ZC3H11A: variants seen among roughly 807,000 people sequenced by gnomAD.
ZC3H11A encodes the protein zinc finger CCCH domain-containing protein 11A.
A neutral mutation model predicts 90.8 loss-of-function variants in ZC3H11A; 22 were observed. The ratio of observed to expected loss-of-function variants is 0.24; its 90% CI spans 0.17 to 0.35. ZC3H11A has a LOEUF of 0.35. Ranked by LOEUF, ZC3H11A falls within the 10% of genes least tolerant of loss-of-function variation. The pLI is 1.00. For missense variants in ZC3H11A, 701 were observed against 964.9 expected, an observed-to-expected ratio of 0.73 and a Z score of 3.62; for synonymous variants, 294 against 339.8, an observed-to-expected ratio of 0.87 and a Z score of 1.48.
intron 2 of ZC3H11A, among the ~76,000 whole-genome samples, chr1:203,803,793 G>A (rs868510730): frequency 6.6e-6 from 1 of 152,122 alleles, no homozygotes; most frequent in Non-Finnish European, 1.5e-5. Flanking sequence ...CTTTTGTAGA[G>A]ATGGAGTTGC....
chr1:203,817,233 C>A, intron 3 of ZC3H11A, 109 bp downstream of exon 3: 1 of 827,772 alleles, frequency 1.2e-6, no homozygotes, highest in Non-Finnish European at 1.8e-6. Context: ...ATTTTTTGCC[C>A]AACTTTATTA....
chr1:203,797,589 AGTGATTCT>A, intron 1 of ZC3H11A: 3 of 1,534,360 alleles, frequency 2.0e-6, no homozygotes, highest in Non-Finnish European at 2.6e-6. Flanking sequence ...CAACACTTTT[AGTGATTCT>A]GGGATTCTGG....
intron 9 of ZC3H11A, among the ~76,000 whole-genome samples, chr1:203,833,304 G>T (rs2103068031): frequency 6.7e-6 from 1 of 150,068 alleles, no homozygotes; most frequent in East Asian, 2.0e-4. Flanking sequence ...GGTGGAGGTT[G>T]CAGTGAGCCG....
In ZC3H11A at chr1:203,795,758, G is replaced by A. The variant is rs1284061878; in HGVS notation, c.-1624G>A. On this transcript the variant is annotated 5_prime_UTR_variant, in exon 1 of 18. Transcript: ENST00000367210. ...GACGTGGCAGCAAGCGGGAGTCGGG[G>A]ATAGTGTCATCGGTTCGGTAAAGTT... 4 of 152,120 alleles carry A rather than the reference G, an allele frequency of 2.6e-5. No individual in the cohort carries two copies. 9.4% of individuals were successfully genotyped at this position (152,120 alleles called of 1,614,324 possible). A position where few individuals can be genotyped will look rare whatever the true frequency, so the allele number is the denominator to read the frequency against.
At chr1:203,838,716 C>T (rs773846293) in intron 11 of ZC3H11A, among the ~76,000 whole-genome samples, 4 of 151,958 alleles carry the variant, frequency 2.6e-5, no homozygotes, top group African/African-American at 7.2e-5. Context: ...TTTGGGAGGC[C>T]GAGGTGGGTG....
intron 13 of ZC3H11A, 92 bp from the exon 14 acceptor site, chr1:203,848,239 C>T: frequency 9.6e-7 from 1 of 1,040,004 alleles, no homozygotes; most frequent in Admixed American, 2.1e-5. Flanking sequence ...TCCTGTCTTA[C>T]TACTTTCATT....
intron 4 of ZC3H11A, among the ~76,000 whole-genome samples, chr1:203,827,001 A>G (rs917309496): frequency 2.0e-5 from 3 of 152,094 alleles, no homozygotes; most frequent in Non-Finnish European, 1.5e-5. Context: ...CAGCATCCCA[A>G]CTACTCTACC....
chr1:203,798,428 G>T lies in ZC3H11A; in HGVS notation c.-1588+2634G>T, dbSNP rs1306797342. 4.6e-6 allele frequency: 7 copies of T among 1,534,682 alleles called. No individual in the cohort carries two copies. The East Asian group carries it at 1.7e-4, about 38-fold the overall frequency. ...GGGGTAGGCCAGGGTCCCACTTAGG[G>T]ACTTCAACACTTCAACGACACCTGC... On this transcript the variant is annotated intron_variant, in intron 1 of 17. Coordinates refer to ENST00000367210, the MANE Select transcript of ZC3H11A (RefSeq NM_001376342.1).
intron 12 of ZC3H11A, among the ~76,000 whole-genome samples, chr1:203,840,720 A>G (rs963181634): frequency 1.3e-5 from 2 of 151,722 alleles, no homozygotes; most frequent in African/African-American, 2.4e-5. Context: ...TGCAACCTCC[A>G]CCTCCTGGGT....
intron 4 of ZC3H11A, among the ~76,000 whole-genome samples, chr1:203,826,673 C>A: frequency 6.6e-6 from 1 of 152,120 alleles, no homozygotes; most frequent in Non-Finnish European, 1.5e-5. Context: ...CTCTCTTCTC[C>A]ATATTCTTAA....
intron 2 of ZC3H11A, among the ~76,000 whole-genome samples, chr1:203,812,341 A>G (rs1041860510): frequency 2.6e-5 from 4 of 152,070 alleles, no homozygotes; most frequent in African/African-American, 9.7e-5. Context: ...TGTTCTCAGC[A>G]TTTAGCTCCC....
At chr1:203,833,385 C>CA (rs1558128102) in intron 9 of ZC3H11A, among the ~76,000 whole-genome samples, 1 of 122,102 alleles carries the variant, frequency 8.2e-6, no homozygotes. Context: ...AAAAAAAAAA[C>CA]ACCAGGTGTG....
chr1:203,838,128 A>G, intron 11 of ZC3H11A, 64 bp downstream of exon 11: 5 of 1,452,666 alleles, frequency 3.4e-6, no homozygotes, highest in Non-Finnish European at 4.8e-6. Flanking sequence ...TTGTAATGCT[A>G]ACAGCTATGG....
At chr1:203,803,475 G>A (rs1439333437) in intron 2 of ZC3H11A, among the ~76,000 whole-genome samples, 2 of 152,224 alleles carry the variant, frequency 1.3e-5, no homozygotes, top group Non-Finnish European at 2.9e-5. Context: ...ACAGGCATGA[G>A]CCACCGCCTC....
chr1:203,830,085 GC>G (rs1461629414), intron 7 of ZC3H11A, 37 bp from the exon 8 acceptor site: 1 of 1,503,094 alleles, frequency 6.7e-7, no homozygotes, highest in African/African-American at 1.4e-5. Context: ...AGATGAAAAG[GC>G]TCCCGTTCCT....
chr1:203,833,191 A>C (rs1682974161), intron 9 of ZC3H11A, among the ~76,000 whole-genome samples: 1 of 152,080 alleles, frequency 6.6e-6, no homozygotes, highest in African/African-American at 2.4e-5. Context: ...AACGCGGTGA[A>C]ACCTTGTCTC....
At chr1:203,809,759 A>G (rs1016532885) in intron 2 of ZC3H11A, among the ~76,000 whole-genome samples, 7 of 152,012 alleles carry the variant, frequency 4.6e-5, no homozygotes, top group African/African-American at 1.2e-4. Flanking sequence ...TTCGAGACCA[A>G]TCTGGCCAAC....
chr1:203,808,023 TG>T, intron 2 of ZC3H11A, among the ~76,000 whole-genome samples: 1 of 152,302 alleles, frequency 6.6e-6, no homozygotes, highest in South Asian at 2.1e-4. Flanking sequence ...ATTACGGATG[TG>T]AGCCACCATG....
intron 1 of ZC3H11A, chr1:203,798,148 C>G: frequency 6.5e-7 from 1 of 1,536,106 alleles, no homozygotes; most frequent in Non-Finnish European, 8.7e-7. Flanking sequence ...TCTCCCTCTT[C>G]TGGAAGCAAT....
Sources: gnomAD v4.1 joint callset for allele counts (sites outside exome capture counted in the v4.1 genomes callset) on GRCh38, gnomAD v4.1.1 for gene constraint, MANE v1.5 for transcripts, NCBI Gene and HGNC (gene_info 2026-07-23, HGNC 2026-07-21) for gene names.